The following RAPGEF5 variants were observed in gnomAD, a reference collection of about 807,000 sequenced individuals.
The protein encoded by RAPGEF5 is M-Ras-regulated GEF.
In RAPGEF5, 65 loss-of-function variants were observed where a neutral mutation model predicts 125.2. The ratio of observed to expected loss-of-function variants is 0.52; its 90% CI spans 0.43 to 0.64. The LOEUF is 0.64. Among genes scored for constraint, RAPGEF5 ranks in the 30% least tolerant of loss-of-function variants. The pLI is 0.00. For synonymous variants in RAPGEF5, 391 were observed against 385.9 expected (o/e 1.01, Z -0.16); for missense variants, 958 against 1,048.1 (o/e 0.91, Z 1.19).
chr7:22,170,915 T>C (rs1784329868), intron 11 of RAPGEF5, among the ~76,000 whole-genome samples: 2 of 152,140 alleles, frequency 1.3e-5, no homozygotes, highest in South Asian at 2.1e-4. Context: ...TTCTAATGAA[T>C]AGAACAGATT....
chr7:22,347,881 A>G (rs914245773), intron 1 of RAPGEF5, among the ~76,000 whole-genome samples: 1 of 152,228 alleles, frequency 6.6e-6, no homozygotes, highest in Non-Finnish European at 1.5e-5. Flanking sequence ...CATCATTTTC[A>G]GCACCACCAC....
At chr7:22,276,051 T>G (rs1440270919) in intron 6 of RAPGEF5, among the ~76,000 whole-genome samples, 3 of 152,218 alleles carry the variant, frequency 2.0e-5, no homozygotes, top group African/African-American at 7.2e-5. Flanking sequence ...AAGCCCTAAC[T>G]GCTGATCTAC....
intron 11 of RAPGEF5, among the ~76,000 whole-genome samples, chr7:22,180,120 A>G (rs1295092268): frequency 1.3e-5 from 2 of 152,150 alleles, no homozygotes; most frequent in East Asian, 1.9e-4. Flanking sequence ...CAATTATACA[A>G]TGCGTTAAAA....
At chr7:22,163,083 T>C (rs1484662674) in intron 12 of RAPGEF5, 1 of 388,900 alleles carries the variant, frequency 2.6e-6, no homozygotes, top group Admixed American at 3.0e-5. Context: ...TGGATACATG[T>C]GTGAACACAG....
chr7:22,271,264 A>G (rs141235524), intron 6 of RAPGEF5, among the ~76,000 whole-genome samples: 227 of 152,310 alleles, frequency 1.5e-3, no homozygotes, highest in African/African-American at 5.0e-3. Context: ...GTTGTTTCCA[A>G]GATTCCTAGG....
At chr7:22,298,183 T>G (rs796331770) in intron 5 of RAPGEF5, among the ~76,000 whole-genome samples, 2 of 146,134 alleles carry the variant, frequency 1.4e-5, no homozygotes, top group Non-Finnish European at 3.0e-5. Context: ...GTTTTTTGTT[T>G]TTTTTTTTTT....
At chr7:22,313,865 C>T (rs1783530304) in intron 3 of RAPGEF5, among the ~76,000 whole-genome samples, 2 of 152,046 alleles carry the variant, frequency 1.3e-5, no homozygotes, top group African/African-American at 4.8e-5. Context: ...TGAAGTAGTC[C>T]AACCACCACA....
chr7:22,212,079 T>C (rs540591257), intron 9 of RAPGEF5, among the ~76,000 whole-genome samples: 57 of 150,708 alleles, frequency 3.8e-4, no homozygotes, highest in African/African-American at 1.3e-3. Context: ...CCATTCTCCA[T>C]TCTCCTGCCT....
At chr7:22,311,208 G>A (rs1188750298) in intron 3 of RAPGEF5, among the ~76,000 whole-genome samples, 1 of 152,120 alleles carries the variant, frequency 6.6e-6, no homozygotes, top group Admixed American at 6.6e-5. Context: ...TGTAGAGACT[G>A]AGTTTTGCCA....
chr7:22,280,324 A>C (rs1292681629), intron 6 of RAPGEF5, among the ~76,000 whole-genome samples: 2 of 152,204 alleles, frequency 1.3e-5, no homozygotes, highest in African/African-American at 4.8e-5. Flanking sequence ...GCTGAGCCAG[A>C]AGCAGCACAG....
chr7:22,153,638 G>A (rs2128108235), intron 17 of RAPGEF5, among the ~76,000 whole-genome samples: 1 of 152,260 alleles, frequency 6.6e-6, no homozygotes, highest in South Asian at 2.1e-4. Flanking sequence ...ATAACAAAGG[G>A]TAAACAGGAA....
intron 19 of RAPGEF5, 105 bp downstream of exon 19, chr7:22,146,792 C>A (rs1157993666): frequency 7.5e-7 from 1 of 1,333,366 alleles, no homozygotes; most frequent in Non-Finnish European, 1.0e-6. Flanking sequence ...ATCTTTTGGA[C>A]CACGTTATTC....
rs73683344 is a variant in RAPGEF5, at chr7:22,312,653, G to C, written c.390-2563C>G. ...CAATATGCTAGAACACAGTACTGTC[G>C]TAACAATATTAATTAAAAACTGAGC... On this transcript the variant is annotated intron_variant, in intron 3 of 25. Transcript: ENST00000665637. Among the ~76,000 whole-genome samples the C allele has an allele frequency of 7.2e-3, 1,098 of 152,228 alleles. 9 individuals carry two copies. The highest frequency in any genetic ancestry group is 8.0e-3 in the Non-Finnish European group (543 of 68,010).
chr7:22,220,037 C>A, intron 8 of RAPGEF5, 46 bp from the exon 9 acceptor site: 2 of 1,605,868 alleles, frequency 1.2e-6, no homozygotes, highest in Non-Finnish European at 1.7e-6. Context: ...AACCACAGTC[C>A]CAGGACATGA....
intron 8 of RAPGEF5, among the ~76,000 whole-genome samples, chr7:22,226,762 G>A (rs1363252553): frequency 1.3e-5 from 2 of 152,120 alleles, no homozygotes; most frequent in African/African-American, 4.8e-5. Flanking sequence ...TCCAGGCAAG[G>A]CAATGGACAT....
chr7:22,260,523 T>A (rs1440767161), intron 7 of RAPGEF5, among the ~76,000 whole-genome samples: 2 of 131,408 alleles, frequency 1.5e-5, no homozygotes, highest in African/African-American at 3.0e-5. Flanking sequence ...ATGCAGAAAT[T>A]AGGACCAGTA....
At chr7:22,162,742 A>G (rs28435496) in intron 12 of RAPGEF5, among the ~76,000 whole-genome samples, 4,474 of 152,290 alleles carry the variant, frequency 0.029, 85 homozygotes, top group Middle Eastern at 0.065. Context: ...TATACTCGGT[A>G]GGCAGCCAGG....
At chr7:22,308,016 G>A (rs1020310853) in intron 5 of RAPGEF5, among the ~76,000 whole-genome samples, 1 of 152,052 alleles carries the variant, frequency 6.6e-6, no homozygotes, top group African/African-American at 2.4e-5. Flanking sequence ...GAATAGGATG[G>A]GAGTTACTAT....
intron 6 of RAPGEF5, among the ~76,000 whole-genome samples, 161 bp from the exon 7 acceptor site, chr7:22,267,173 T>C (rs899736576): frequency 6.6e-6 from 1 of 152,146 alleles, no homozygotes; most frequent in Non-Finnish European, 1.5e-5. Context: ...TTTTAGTACA[T>C]GGAAAAACCT....
Sources: gnomAD v4.1 joint callset for allele counts (sites outside exome capture counted in the v4.1 genomes callset) on GRCh38, gnomAD v4.1.1 for gene constraint, MANE v1.5 for transcripts, NCBI Gene and HGNC (gene_info 2026-07-23, HGNC 2026-07-21) for gene names.